Variants in CALCRL observed in about 807,000 individuals in gnomAD.
CALCRL encodes calcitonin receptor like receptor, also known as calcitonin gene-related peptide type 1 receptor.
A neutral mutation model predicts 60.4 loss-of-function variants in CALCRL; 27 were observed. The ratio of observed to expected loss-of-function variants is 0.45; its 90% confidence interval spans 0.33 to 0.62. The LOEUF (loss-of-function observed/expected upper bound fraction) is 0.62, where lower values mean the gene tolerates loss of function less well. CALCRL is among the 20% of genes least tolerant of loss of function. CALCRL has a pLI of 0.03. For missense variants in CALCRL, 424 were observed against 540.7 expected (o/e 0.78, Z 2.14); for synonymous variants, 190 against 182.6 (o/e 1.04, Z -0.33).
chr2:187,363,523 G>A (rs1687149403), intron 8 of CALCRL, 21 bp from the exon 9 acceptor site: 2 of 1,578,248 alleles, frequency 1.3e-6, no homozygotes. Flanking sequence ...AGAAAAACAA[G>A]TGTGTTGACA....
At position 187,436,076 on chromosome 2, in the gene CALCRL, T is replaced by C. The variant is rs142429039; in HGVS notation, c.-293+11963A>G. Among the ~76,000 whole-genome samples, 913 of 152,310 alleles carry C rather than the reference T, an allele frequency of 6.0e-3. 9 individuals carry two copies. The highest frequency in any genetic ancestry group is 0.021 in the African/African-American group (875 of 41,576). ...AGTATTACATACTTCTTGTTATTTA[T>C]TGGTAGTTCAATATATATTTATAGT... On this transcript the variant is annotated intron_variant, in intron 1 of 14. Transcript: ENST00000392370.
intron 1 of CALCRL, among the ~76,000 whole-genome samples, chr2:187,437,177 C>CA (rs747453838): frequency 1.3e-5 from 2 of 152,094 alleles, no homozygotes; most frequent in Non-Finnish European, 2.9e-5. Context: ...TGGATTTACT[C>CA]AAAAAGAGCA....
chr2:187,345,900 A>C lies in CALCRL; in HGVS notation c.*284T>G. 3.7e-6 allele frequency: 1 copy of C among 268,650 alleles called. No individual in the cohort carries two copies. The highest frequency in any genetic ancestry group is 7.0e-6 in the Non-Finnish European group (1 of 142,466). The allele number at this position is 268,650 out of a possible 1,614,324, so 16.6% of individuals were successfully genotyped here. ...GGCTTACACCAGCTCAGAAAAGTTGATTGTGCTTTTCTCCAATTCCACACT... is the reference window on the plus strand; with the variant it reads ...GGCTTACACCAGCTCAGAAAAGTTGCTTGTGCTTTTCTCCAATTCCACACT... On this transcript the variant is annotated 3_prime_UTR_variant, in exon 15 of 15. Coordinates refer to ENST00000392370, the MANE Select transcript of CALCRL (RefSeq NM_005795.6).
At chr2:187,349,147 G>T (rs560813828) in intron 14 of CALCRL, among the ~76,000 whole-genome samples, 2 of 151,414 alleles carry the variant, frequency 1.3e-5, no homozygotes, top group Non-Finnish European at 3.0e-5. Context: ...TCATCTTATG[G>T]AATATCTACC....
intron 9 of CALCRL, among the ~76,000 whole-genome samples, chr2:187,360,975 A>G (rs917213029): frequency 2.0e-5 from 3 of 152,006 alleles, no homozygotes; most frequent in African/African-American, 7.2e-5. Flanking sequence ...TTCCAGAAAA[A>G]AAGTGTAACT....
intron 1 of CALCRL, among the ~76,000 whole-genome samples, chr2:187,411,293 T>C (rs1488127585): frequency 1.3e-5 from 2 of 152,324 alleles, no homozygotes; most frequent in East Asian, 3.9e-4. Flanking sequence ...ATAAGACTAC[T>C]GTAAATACTA....
At position 187,346,307 on chromosome 2, in the gene CALCRL, G is replaced by T; in HGVS notation, c.1263C>A (p.Tyr421Ter). Reference sequence around the variant, plus strand: ...GACCATCACTGATTGTTGACACTGTGTAAGACGCACTACGAAGAGCTTCTG... The same window carrying T: ...GACCATCACTGATTGTTGACACTGTTTAAGACGCACTACGAAGAGCTTCTG... ...SNSEALRSASYTVSTISDGPG... is the reference protein window; with the variant it reads ...SNSEALRSAS Residue 421 changes from tyrosine (Y) to a stop codon, truncating the protein, a stop_gained, in exon 15 of 15, where the codon TAC (tyrosine) becomes TAA (stop). Coordinates refer to ENST00000392370, the MANE Select transcript of CALCRL (RefSeq NM_005795.6). LOFTEE classifies it high-confidence loss of function. 1 of 1,612,452 alleles carries T rather than the reference G, an allele frequency of 6.2e-7. No individual in the cohort carries two copies. The highest frequency in any genetic ancestry group is 8.5e-7 in the Non-Finnish European group (1 of 1,178,992).
chr2:187,375,377 A>G (rs1028425614), intron 8 of CALCRL, among the ~76,000 whole-genome samples: 1 of 151,574 alleles, frequency 6.6e-6, no homozygotes, highest in Non-Finnish European at 1.5e-5. Context: ...CTTTCAGTTC[A>G]CTATATAGAA....
At chr2:187,397,232 T>C (rs944959340) in intron 1 of CALCRL, among the ~76,000 whole-genome samples, 33 of 151,736 alleles carry the variant, frequency 2.2e-4, no homozygotes, top group African/African-American at 8.0e-4. Flanking sequence ...AAACTGACTG[T>C]ATTTCAAGGC....
intron 1 of CALCRL, among the ~76,000 whole-genome samples, chr2:187,435,923 G>T (rs1690625998): frequency 2.0e-5 from 3 of 150,426 alleles, no homozygotes; most frequent in East Asian, 3.9e-4. Flanking sequence ...ATGGTGAAAA[G>T]CGTCTACAAA....
At chr2:187,361,349 A>C (rs554102538) in intron 9 of CALCRL, among the ~76,000 whole-genome samples, 8 of 151,958 alleles carry the variant, frequency 5.3e-5, no homozygotes, top group African/African-American at 1.9e-4. Context: ...TTGCTTCTCT[A>C]CTTTTAAACA....
intron 12 of CALCRL, among the ~76,000 whole-genome samples, chr2:187,355,297 C>G (rs1686721602): frequency 6.6e-6 from 1 of 152,082 alleles, no homozygotes; most frequent in South Asian, 2.1e-4. Context: ...GCACACAATG[C>G]AAAGCCAGGC....
chr2:187,414,646 T>C (rs1689519319), intron 1 of CALCRL, among the ~76,000 whole-genome samples: 1 of 152,200 alleles, frequency 6.6e-6, no homozygotes, highest in Non-Finnish European at 1.5e-5. Context: ...TATGCCATCT[T>C]CTATCTTTAT....
chr2:187,372,361 A>G (rs955684367), intron 8 of CALCRL, among the ~76,000 whole-genome samples: 1 of 151,682 alleles, frequency 6.6e-6, no homozygotes, highest in Non-Finnish European at 1.5e-5. Flanking sequence ...TTTTTCCAAG[A>G]ATCATTACGA....
At chr2:187,390,918 A>G (rs1225313159) in intron 1 of CALCRL, among the ~76,000 whole-genome samples, 1 of 152,150 alleles carries the variant, frequency 6.6e-6, no homozygotes, top group African/African-American at 2.4e-5. Context: ...TGGTAGTGCA[A>G]TTCACTTGAG....
At chr2:187,432,372 T>A (rs1690441888) in intron 1 of CALCRL, among the ~76,000 whole-genome samples, 1 of 152,128 alleles carries the variant, frequency 6.6e-6, no homozygotes, top group Non-Finnish European at 1.5e-5. Context: ...CTTAATTAAG[T>A]CATAATGACA....
At chr2:187,371,362 G>A (rs1379865731) in intron 8 of CALCRL, among the ~76,000 whole-genome samples, 2 of 152,028 alleles carry the variant, frequency 1.3e-5, no homozygotes, top group Non-Finnish European at 2.9e-5. Flanking sequence ...TGGACGTACC[G>A]TGAGTTAAGA....
intron 5 of CALCRL, among the ~76,000 whole-genome samples, chr2:187,382,696 G>T (rs1300706256): frequency 6.6e-6 from 1 of 151,986 alleles, no homozygotes; most frequent in African/African-American, 2.4e-5. Flanking sequence ...AAAAGCAAAA[G>T]AATATCTTAA....
chr2:187,424,745 G>A (rs184220125), intron 1 of CALCRL, among the ~76,000 whole-genome samples: 2 of 151,996 alleles, frequency 1.3e-5, no homozygotes, highest in Non-Finnish European at 2.9e-5. Context: ...ATGAATTGTG[G>A]TATGGCCTGA....
Sources: gnomAD v4.1 joint callset for allele counts (sites outside exome capture counted in the v4.1 genomes callset) on GRCh38, gnomAD v4.1.1 for gene constraint, MANE v1.5 for transcripts, NCBI Gene and HGNC (gene_info 2026-07-23, HGNC 2026-07-21) for gene names.